Variants in NKAIN2 observed in about 807,000 individuals in gnomAD.
NKAIN2 encodes sodium/potassium transporting ATPase interacting 2, also known as sodium/potassium-transporting ATPase subunit beta-1-interacting protein 2.
NKAIN2 carries 14 observed loss-of-function variants against 32.6 expected under a neutral mutation model. The ratio of observed to expected loss-of-function variants is 0.43; its 90% CI spans 0.28 to 0.67. The LOEUF (loss-of-function observed/expected upper bound fraction) is 0.67. NKAIN2 is among the 30% of genes least tolerant of loss of function. The pLI, the probability that NKAIN2 is intolerant of heterozygous loss-of-function variation, is 0.17. For synonymous variants in NKAIN2, 80 were observed against 87.2 expected (o/e 0.92, Z 0.46); for missense variants, 198 against 258.3 (o/e 0.77, Z 1.60).
At chr6:123,858,167 G>T (rs1400368791) in intron 1 of NKAIN2, among the ~76,000 whole-genome samples, 1 of 151,260 alleles carries the variant, frequency 6.6e-6, no homozygotes, top group Non-Finnish European at 1.5e-5. Flanking sequence ...CCAGACTGGA[G>T]TGCAGTGGCG....
At chr6:124,447,094 C>T (rs1233186449) in intron 3 of NKAIN2, among the ~76,000 whole-genome samples, 1 of 152,084 alleles carries the variant, frequency 6.6e-6, no homozygotes. Context: ...CACATTAAAC[C>T]TCTTGTCATT....
intron 1 of NKAIN2, among the ~76,000 whole-genome samples, chr6:124,190,663 C>T (rs531849135): frequency 2.3e-4 from 35 of 152,168 alleles, no homozygotes; most frequent in African/African-American, 5.8e-4. Flanking sequence ...TAAGCATATA[C>T]GGTAGTAAGT....
chr6:123,976,549 T>C (rs1400287038), intron 1 of NKAIN2, among the ~76,000 whole-genome samples: 1 of 150,952 alleles, frequency 6.6e-6, no homozygotes, highest in African/African-American at 2.4e-5. Context: ...GAGAATTCCC[T>C]CTTGATTTGG....
intron 3 of NKAIN2, among the ~76,000 whole-genome samples, chr6:124,438,613 C>T (rs1775560720): frequency 6.6e-6 from 1 of 152,152 alleles, no homozygotes; most frequent in African/African-American, 2.4e-5. Context: ...GCAGCTGAAT[C>T]TGTGGCCATT....
chr6:124,442,364 C>CTT (rs5879735), intron 3 of NKAIN2, among the ~76,000 whole-genome samples: 2 of 151,930 alleles, frequency 1.3e-5, no homozygotes, highest in African/African-American at 4.8e-5. Flanking sequence ...CATCAATGCC[C>CTT]TTTTTTCTTT....
chr6:124,151,754 T>TACA (rs1787736472), intron 1 of NKAIN2, among the ~76,000 whole-genome samples: 1 of 152,034 alleles, frequency 6.6e-6, no homozygotes, highest in African/African-American at 2.4e-5. Flanking sequence ...ACTTACGATG[T>TACA]AAGTGCTTTT....
chr6:124,551,592 C>T (rs74811384), intron 3 of NKAIN2, among the ~76,000 whole-genome samples: 1,995 of 152,218 alleles, frequency 0.013, 44 homozygotes, highest in African/African-American at 0.045. Context: ...AATGTCATTA[C>T]TGCTTTTGTC....
chr6:124,320,104 T>A (rs969053458), intron 2 of NKAIN2, among the ~76,000 whole-genome samples: 1 of 152,184 alleles, frequency 6.6e-6, no homozygotes, highest in African/African-American at 2.4e-5. Flanking sequence ...CTTGCTCTTT[T>A]GTGAAATATG....
intron 1 of NKAIN2, among the ~76,000 whole-genome samples, chr6:124,198,378 C>A (rs927730276): frequency 6.6e-6 from 1 of 151,506 alleles, no homozygotes; most frequent in African/African-American, 2.4e-5. Context: ...TCTGGGAAAC[C>A]CATGGAGCCT....
intron 1 of NKAIN2, among the ~76,000 whole-genome samples, chr6:123,810,082 C>G (rs978638407): frequency 3.1e-4 from 47 of 151,280 alleles, no homozygotes; most frequent in Non-Finnish European, 5.0e-4. Flanking sequence ...TTTTTTTCCC[C>G]CCACTGAATC....
At chr6:123,972,958 C>T (rs1240456341) in intron 1 of NKAIN2, among the ~76,000 whole-genome samples, 3 of 152,032 alleles carry the variant, frequency 2.0e-5, no homozygotes, top group African/African-American at 7.2e-5. Context: ...ATCAAATAAA[C>T]CAGAAAGTTA....
intron 1 of NKAIN2, among the ~76,000 whole-genome samples, chr6:124,226,371 A>T (rs1015824537): frequency 6.6e-6 from 1 of 152,026 alleles, no homozygotes; most frequent in Non-Finnish European, 1.5e-5. Flanking sequence ...CAAGAAGCAC[A>T]GTTTCTTTAA....
At chr6:123,845,836 T>C (rs1011135388) in intron 1 of NKAIN2, among the ~76,000 whole-genome samples, 6 of 152,232 alleles carry the variant, frequency 3.9e-5, no homozygotes, top group Admixed American at 1.3e-4. Context: ...GCTAAAGCGT[T>C]CCAAGTGAAA....
At chr6:124,106,728 G>T (rs894494924) in intron 1 of NKAIN2, among the ~76,000 whole-genome samples, 6 of 152,164 alleles carry the variant, frequency 3.9e-5, no homozygotes, top group African/African-American at 1.2e-4. Flanking sequence ...GACATTGGTT[G>T]CAGAGTGATC....
intron 1 of NKAIN2, among the ~76,000 whole-genome samples, chr6:124,107,115 G>A (rs1785159932): frequency 1.3e-5 from 2 of 152,086 alleles, no homozygotes; most frequent in Non-Finnish European, 2.9e-5. Flanking sequence ...AGATATATGG[G>A]GGAAGAGCAG....
chr6:124,560,943 A>AATCAGGTGCC (rs1780666670), intron 3 of NKAIN2, among the ~76,000 whole-genome samples: 1 of 152,188 alleles, frequency 6.6e-6, no homozygotes, highest in Non-Finnish European at 1.5e-5. Flanking sequence ...TAGGCAGATG[A>AATCAGGTGCC]TTAAGGCACC....
At chr6:124,501,618 G>A (rs1259515496) in intron 3 of NKAIN2, among the ~76,000 whole-genome samples, 3 of 152,132 alleles carry the variant, frequency 2.0e-5, no homozygotes, top group Non-Finnish European at 4.4e-5. Context: ...TTTTTAAGAT[G>A]CAAATCAGAT....
chr6:124,518,130 ATTTAT>A (rs1778984070), intron 3 of NKAIN2, among the ~76,000 whole-genome samples: 1 of 152,048 alleles, frequency 6.6e-6, no homozygotes, highest in Non-Finnish European at 1.5e-5. Context: ...AAAAGGAAGA[ATTTAT>A]TTTATTATGC....
intron 1 of NKAIN2, among the ~76,000 whole-genome samples, chr6:123,871,749 T>C: frequency 1.3e-5 from 2 of 152,342 alleles, no homozygotes; most frequent in Admixed American, 1.3e-4. Flanking sequence ...CTTCTAATGT[T>C]GCTGTTCAAA....
Sources: allele counts gnomAD v4.1 joint callset (sites outside exome capture counted in the v4.1 genomes callset), GRCh38; gene constraint gnomAD v4.1.1; transcripts MANE v1.5; gene names NCBI Gene and HGNC (gene_info 2026-07-23, HGNC 2026-07-21).